RAG1: variants seen among roughly 807,000 people sequenced by gnomAD.
RAG1 encodes V(D)J recombination-activating protein 1.
RAG1 carries 35 observed loss-of-function variants against 62.7 expected under a neutral mutation model. The ratio of observed to expected loss-of-function variants is 0.56; its 90% CI spans 0.43 to 0.74. The LOEUF (loss-of-function observed/expected upper bound fraction) is 0.74. Among genes scored for constraint, RAG1 ranks in the 30% least tolerant of loss-of-function variants. The pLI is 0.00. For missense variants in RAG1, 1,169 were observed against 1,278.6 expected, an observed-to-expected ratio of 0.91 and a Z score of 1.31; for synonymous variants, 461 against 470.3, an observed-to-expected ratio of 0.98 and a Z score of 0.26.
Position 36,576,307 on chromosome 11 carries a change from C to T in RAG1, c.3003C>T (p.Tyr1001=), listed in dbSNP as rs372337671. 1.1e-5 allele frequency: 17 copies of T among 1,613,946 alleles called. No individual in the cohort carries two copies. The highest frequency in any genetic ancestry group is 1.4e-5 in the Non-Finnish European group (16 of 1,180,026). ...LKHHWLYTSK[Y]LQKFMNAHNA... ...ACCACTGGTTGTACACCTCCAAATA[C>T]CTCCAGAAGTTTATGAATGCTCATA... Residue 1001 remains tyrosine (Y), a synonymous_variant, in exon 2 of 2, where the codon TAC becomes TAT. Transcript: ENST00000299440.
chr11:36,565,911 A>G (rs1850654964), upstream of RAG1: 1 of 152,232 alleles, frequency 6.6e-6, no homozygotes, highest in South Asian at 2.1e-4. Context: ...CTTTTATCAA[A>G]CAGAGCAATT....
intron 2 of RAG1, among the ~76,000 whole-genome samples, chr11:36,521,304 G>C (rs780280631): frequency 6.6e-6 from 1 of 151,964 alleles, no homozygotes; most frequent in African/African-American, 2.4e-5. Flanking sequence ...GTTGTGGGAG[G>C]GACCCGGTAA....
At chr11:36,552,006 T>A (rs1590687433) in intron 3 of RAG1, among the ~76,000 whole-genome samples, 1 of 20,572 alleles carries the variant, frequency 4.9e-5, no homozygotes, top group East Asian at 1.4e-3. Context: ...CAGTCTATCA[T>A]TGTTGGACAT....
chr11:36,526,867 G>A (rs1200675912), intron 2 of RAG1, among the ~76,000 whole-genome samples: 2 of 152,206 alleles, frequency 1.3e-5, no homozygotes, highest in African/African-American at 4.8e-5. Context: ...TCTGTTGACT[G>A]CATAGATATC....
intron 1 of RAG1, among the ~76,000 whole-genome samples, chr11:36,569,686 A>T (rs923751511): frequency 5.9e-5 from 9 of 152,248 alleles, no homozygotes; most frequent in Non-Finnish European, 1.5e-5. Flanking sequence ...AATTAATAAA[A>T]ATAGTTACTT....
chr11:36,548,219 C>T (rs1301267064), intron 3 of RAG1, among the ~76,000 whole-genome samples: 1 of 152,174 alleles, frequency 6.6e-6, no homozygotes, highest in East Asian at 1.9e-4. Flanking sequence ...TGGCACAAGA[C>T]AAGGATGCCC....
intron 2 of RAG1, among the ~76,000 whole-genome samples, chr11:36,535,538 G>C (rs1860313973): frequency 6.6e-6 from 1 of 152,172 alleles, no homozygotes; most frequent in South Asian, 2.1e-4. Context: ...GAGCTCAGGA[G>C]TTCGAGACCA....
chr11:36,513,832 T>C (rs1859958993), intron 1 of RAG1, among the ~76,000 whole-genome samples: 2 of 152,172 alleles, frequency 1.3e-5, no homozygotes, highest in Admixed American at 1.3e-4. Context: ...ACAAGAACAG[T>C]ATGGGGGAAA....
chr11:36,562,548 A>C (rs1203860067), intron 3 of RAG1, among the ~76,000 whole-genome samples: 1 of 152,182 alleles, frequency 6.6e-6, no homozygotes, highest in African/African-American at 2.4e-5. Context: ...ACCCCACACC[A>C]CAGCTCAACA....
chr11:36,557,983 T>C (rs1850527694), intron 3 of RAG1, among the ~76,000 whole-genome samples: 1 of 152,226 alleles, frequency 6.6e-6, no homozygotes, highest in Non-Finnish European at 1.5e-5. Context: ...TACTCCCATG[T>C]AACACTTAAT....
At chr11:36,528,281 A>C (rs1040889871) in intron 2 of RAG1, among the ~76,000 whole-genome samples, 1 of 152,200 alleles carries the variant, frequency 6.6e-6, no homozygotes, top group Non-Finnish European at 1.5e-5. Context: ...AAAAGAAATC[A>C]TAACAAACTA....
At chr11:36,561,097 A>G (rs896801057) in intron 3 of RAG1, among the ~76,000 whole-genome samples, 1 of 152,178 alleles carries the variant, frequency 6.6e-6, no homozygotes, top group Non-Finnish European at 1.5e-5. Context: ...GTGTTGCCCA[A>G]TGTCTGGATT....
chr11:36,572,756 C>G (rs1174114831), intron 1 of RAG1, among the ~76,000 whole-genome samples: 1 of 152,140 alleles, frequency 6.6e-6, no homozygotes, highest in Non-Finnish European at 1.5e-5. Context: ...TAATTAGTTT[C>G]TTTGGGTTTG....
chr11:36,561,870 C>T (rs1850589527), intron 3 of RAG1, among the ~76,000 whole-genome samples: 1 of 152,090 alleles, frequency 6.6e-6, no homozygotes, highest in Admixed American at 6.6e-5. Flanking sequence ...TTTATTGGCT[C>T]CGTTTTTCTG....
At chr11:36,563,869 T>C (rs1203359922), upstream of RAG1, among the ~76,000 whole-genome samples, 1 of 152,172 alleles carries the variant, frequency 6.6e-6, no homozygotes, top group Non-Finnish European at 1.5e-5. Flanking sequence ...TATCCTGCAA[T>C]TAGGCATTCA....
intron 2 of RAG1, among the ~76,000 whole-genome samples, chr11:36,521,498 A>G (rs1426938952): frequency 1.3e-5 from 2 of 152,146 alleles, no homozygotes; most frequent in African/African-American, 4.8e-5. Flanking sequence ...GCTAAGTGGA[A>G]CTGTGAGTCC....
chr11:36,538,482 G>A (rs1338171482), downstream of RAG1, among the ~76,000 whole-genome samples: 1 of 152,166 alleles, frequency 6.6e-6, no homozygotes, highest in Admixed American at 6.5e-5. Context: ...AAGAATAAGA[G>A]CAAATGGGGT....
chr11:36,557,574 C>A, intron 3 of RAG1, among the ~76,000 whole-genome samples: 1 of 152,120 alleles, frequency 6.6e-6, no homozygotes, highest in East Asian at 1.9e-4. Flanking sequence ...CCGTCTTCTG[C>A]GTCGCTCACG....
intron 1 of RAG1, among the ~76,000 whole-genome samples, chr11:36,514,529 C>T (rs1859969519): frequency 1.3e-5 from 2 of 152,138 alleles, no homozygotes; most frequent in South Asian, 2.1e-4. Context: ...CATTACATTG[C>T]ACTATATAAT....
Sources: gnomAD v4.1 joint callset for allele counts (sites outside exome capture counted in the v4.1 genomes callset) on GRCh38, gnomAD v4.1.1 for gene constraint, MANE v1.5 for transcripts, NCBI Gene and HGNC (gene_info 2026-07-23, HGNC 2026-07-21) for gene names.